Variants in DIP2C observed in about 807,000 individuals in gnomAD.
DIP2C encodes the protein disco-interacting protein 2 homolog C.
Under a neutral mutation model 192.4 loss-of-function variants are expected in DIP2C, and 33 were observed. The ratio of observed to expected loss-of-function variants is 0.17; its 90% CI spans 0.13 to 0.23. The LOEUF (loss-of-function observed/expected upper bound fraction) is 0.23. DIP2C is among the 10% of genes least tolerant of loss of function. The pLI is 1.00. For missense variants in DIP2C, 1,537 were observed against 2,110.1 expected (o/e 0.73, Z 5.32); for synonymous variants, 979 against 864.1 (o/e 1.13, Z -2.33).
Position 643,902 on chromosome 10 carries a change from T to C in DIP2C, c.85+45592A>G, listed in dbSNP as rs142409050. Among the ~76,000 whole-genome samples, 290 of 152,364 alleles carry C rather than the reference T, an allele frequency of 1.9e-3. 1 individual carries two copies. Among genetic ancestry groups the C allele is most frequent in the African/African-American group, 6.4e-3 (266 of 41,584 alleles). The stretch of plus-strand genomic sequence containing the variant: ...CTTCACAGACGTATGAGGGTGTATT[T>C]AAGGAAAAAGTGTATGGAAGAGGTG... On this transcript the variant is annotated intron_variant, in intron 1 of 36. Transcript: ENST00000280886.
chr10:606,016 C>A (rs1394999894), intron 1 of DIP2C, among the ~76,000 whole-genome samples: 3 of 152,238 alleles, frequency 2.0e-5, no homozygotes, highest in Admixed American at 6.5e-5. Flanking sequence ...TCTCTGCAGC[C>A]CCACTCCACG....
Position 344,891 on chromosome 10 carries a change from T to C in DIP2C, c.3371A>G (p.Gln1124Arg). 1 of 1,607,742 alleles carries C rather than the reference T, an allele frequency of 6.2e-7. No homozygotes were observed. The highest frequency in any genetic ancestry group is 8.5e-7 in the Non-Finnish European group (1 of 1,178,076). Residue 1124 changes from glutamine (Q) to arginine (R), a missense_variant, in exon 28 of 37, where the codon CAG (glutamine) becomes CGG (arginine). By Grantham distance (43) the Gln-to-Arg change is conservative. Coordinates refer to ENST00000280886, the MANE Select transcript of DIP2C (RefSeq NM_014974.3). The stretch of plus-strand genomic sequence containing the variant: ...GTCTGGGTTGCAAGGTTTGCAGATC[T>C]GGGCAGGCCGCTTCTTTGGCAAATC... ...TDDLPKKRPA[Q>R]ICKPCNPDTL...
At chr10:358,490 G>A (rs1197082877) in intron 22 of DIP2C, among the ~76,000 whole-genome samples, 1 of 142,350 alleles carries the variant, frequency 7.0e-6, no homozygotes, top group Non-Finnish European at 1.5e-5. Flanking sequence ...CTTAGGTTCT[G>A]TCAGGCCCAC....
At position 460,524 on chromosome 10, in the gene DIP2C, T is replaced by C. The variant is rs1310030471; in HGVS notation, c.268+11915A>G. 2.0e-5 allele frequency among the ~76,000 whole-genome samples: 3 copies of C among 152,140 alleles called. No individual in the cohort carries two copies. The East Asian group carries it at 5.8e-4, about 29-fold the overall frequency. ...ATCCAGTAGAGGTTAAATGGCTGAG[T>C]AGATTAATTATTAACTAGGTCAATT... On this transcript the variant is annotated intron_variant, in intron 3 of 36. Coordinates refer to ENST00000280886, the MANE Select transcript of DIP2C (RefSeq NM_014974.3).
At chr10:667,848 CACAT>C (rs1429257787) in intron 1 of DIP2C, 1 of 152,154 alleles carries the variant, frequency 6.6e-6, no homozygotes, top group Non-Finnish European at 1.5e-5. Context: ...TACAACACAA[CACAT>C]ACAACATACA....
chr10:596,426 G>C (rs1851701052), intron 1 of DIP2C, among the ~76,000 whole-genome samples: 1 of 146,590 alleles, frequency 6.8e-6, no homozygotes, highest in South Asian at 2.2e-4. Flanking sequence ...AACCTGGGAG[G>C]GAGAGGTTGC....
intron 1 of DIP2C, among the ~76,000 whole-genome samples, chr10:496,882 T>C (rs1315792080): frequency 2.0e-5 from 3 of 152,220 alleles, no homozygotes. Context: ...CCCAGCACTA[T>C]GGAAGGCCGA....
chr10:305,993 A>ATATATATATATATATATGTATG (rs958069491), intron 32 of DIP2C, among the ~76,000 whole-genome samples: 1 of 142,698 alleles, frequency 7.0e-6, no homozygotes, highest in African/African-American at 2.6e-5. Flanking sequence ...ATATATATAT[A>ATATATATATATATATATGTATG]TTATATTTTT....
chr10:501,616 G>A (rs528939846), intron 1 of DIP2C, among the ~76,000 whole-genome samples: 2 of 152,088 alleles, frequency 1.3e-5, no homozygotes, highest in South Asian at 2.1e-4. Context: ...GTGCAAAACC[G>A]ATCGAAGAAT....
intron 29 of DIP2C, among the ~76,000 whole-genome samples, chr10:336,948 CG>C (rs1340540976): frequency 1.3e-4 from 3 of 23,352 alleles, no homozygotes; most frequent in South Asian, 1.5e-3. Context: ...GGTGTGTGCG[CG>C]TGTGTGTGTG....
intron 1 of DIP2C, among the ~76,000 whole-genome samples, chr10:593,485 A>ACCCCCCCCCCC (rs10563749): frequency 2.0e-4 from 13 of 64,208 alleles, no homozygotes; most frequent in African/African-American, 1.9e-4. Flanking sequence ...CCCACGCGGG[A>ACCCCCCCCCCC]CCCCCCCCCC....
chr10:489,636 C>T (rs1844289128), intron 1 of DIP2C, among the ~76,000 whole-genome samples: 1 of 151,884 alleles, frequency 6.6e-6, no homozygotes, highest in South Asian at 2.1e-4. Flanking sequence ...TCCTCCATTT[C>T]ACACTAGGGA....
intron 32 of DIP2C, among the ~76,000 whole-genome samples, chr10:302,316 C>T (rs1422876504): frequency 3.9e-5 from 6 of 152,082 alleles, no homozygotes; most frequent in Admixed American, 1.3e-4. Context: ...AAGAAGGCAA[C>T]GTGTGCAGGA....
chr10:433,887 G>T (rs1039721818), intron 4 of DIP2C, among the ~76,000 whole-genome samples: 1 of 151,358 alleles, frequency 6.6e-6, no homozygotes, highest in African/African-American at 2.4e-5. Context: ...TCTATCTGTT[G>T]CCCTTTTGTC....
chr10:569,973 T>C (rs1184284888), intron 1 of DIP2C, among the ~76,000 whole-genome samples: 1 of 152,140 alleles, frequency 6.6e-6, no homozygotes, highest in Non-Finnish European at 1.5e-5. Context: ...CCTTCCCCCA[T>C]GTTTTAGGGT....
At chr10:533,144 T>G (rs1240890412) in intron 1 of DIP2C, among the ~76,000 whole-genome samples, 2 of 152,158 alleles carry the variant, frequency 1.3e-5, no homozygotes, top group Non-Finnish European at 2.9e-5. Flanking sequence ...AAGGTCAGTA[T>G]CTAAGAAAGT....
At chr10:627,762 G>A (rs571406772) in intron 1 of DIP2C, among the ~76,000 whole-genome samples, 133 of 152,362 alleles carry the variant, frequency 8.7e-4, no homozygotes, top group East Asian at 7.7e-4. Context: ...CCTGCCAGAC[G>A]TCACAAACAG....
chr10:375,584 C>T (rs1189454294), intron 17 of DIP2C, among the ~76,000 whole-genome samples: 1 of 152,228 alleles, frequency 6.6e-6, no homozygotes, highest in Non-Finnish European at 1.5e-5. Context: ...ACTGACTTGT[C>T]ATAGCATTTC....
rs141775837 is a variant in DIP2C at position 333,743 on chromosome 10, G to A, written c.3585-4142C>T. Among the ~76,000 whole-genome samples the A allele has an allele frequency of 2.6e-4, 39 of 152,318 alleles. No individual in the cohort carries two copies. The South Asian group carries it at 4.1e-3, about 16-fold the overall frequency. On this transcript the variant is annotated intron_variant, in intron 29 of 36. Coordinates refer to ENST00000280886, the MANE Select transcript of DIP2C (RefSeq NM_014974.3). ...TCCCACTATCAATGTATGAGAATTC[G>A]TTTTTCCACCTTCTTGGTTACTGTT... is the stretch of plus-strand genomic sequence containing the variant.
Sources: gnomAD v4.1 joint callset for allele counts (sites outside exome capture counted in the v4.1 genomes callset) on GRCh38, gnomAD v4.1.1 for gene constraint, MANE v1.5 for transcripts, NCBI Gene and HGNC (gene_info 2026-07-23, HGNC 2026-07-21) for gene names.